The following RTN1 variants were observed in gnomAD, a reference collection of about 807,000 sequenced individuals.
The protein encoded by RTN1 is reticulon 1.
A neutral mutation model predicts 65.5 loss-of-function variants in RTN1; 25 were observed. That is an observed-to-expected ratio of 0.38 (90% CI 0.28 to 0.53). RTN1 has a LOEUF of 0.53. Ranked by LOEUF, RTN1 falls within the 20% of genes least tolerant of loss-of-function variation. The pLI is 0.79. For missense variants in RTN1, 983 were observed against 1,025.4 expected, an observed-to-expected ratio of 0.96 and a Z score of 0.57; for synonymous variants, 471 against 447.6, an observed-to-expected ratio of 1.05 and a Z score of -0.66.
At chr14:59,765,670 AT>A (rs1254169076) in intron 1 of RTN1, among the ~76,000 whole-genome samples, 2 of 152,228 alleles carry the variant, frequency 1.3e-5, no homozygotes, top group African/African-American at 4.8e-5. Flanking sequence ...GTAAGATTTT[AT>A]AAAACGTAAG....
At chr14:59,639,172 TATTG>T (rs1221217340) in intron 3 of RTN1, among the ~76,000 whole-genome samples, 1 of 152,212 alleles carries the variant, frequency 6.6e-6, no homozygotes, top group Non-Finnish European at 1.5e-5. Context: ...ACACAACATT[TATTG>T]ATTAAGTTAG....
chr14:59,629,013 A>C (rs1193440314), intron 3 of RTN1, among the ~76,000 whole-genome samples: 1 of 152,230 alleles, frequency 6.6e-6, no homozygotes. Context: ...TGTATATCAA[A>C]TAAACTGGAT....
At chr14:59,839,760 G>A (rs1218510208) in intron 1 of RTN1, among the ~76,000 whole-genome samples, 1 of 152,048 alleles carries the variant, frequency 6.6e-6, no homozygotes, top group Admixed American at 6.6e-5. Context: ...TTGACCCATA[G>A]AGATAACTCA....
At chr14:59,728,604 T>C (rs1884833691) in intron 2 of RTN1, among the ~76,000 whole-genome samples, 1 of 152,148 alleles carries the variant, frequency 6.6e-6, no homozygotes, top group African/African-American at 2.4e-5. Context: ...TCCCTTGCCA[T>C]ACAGAAGGGC....
At chr14:59,841,960 T>C (rs954790843) in intron 1 of RTN1, among the ~76,000 whole-genome samples, 3 of 151,788 alleles carry the variant, frequency 2.0e-5, no homozygotes, top group Non-Finnish European at 4.4e-5. Flanking sequence ...ACCCCATCTC[T>C]ACTAAAAATA....
chr14:59,828,609 G>A (rs1161106774), intron 1 of RTN1, among the ~76,000 whole-genome samples: 1 of 152,166 alleles, frequency 6.6e-6, no homozygotes, highest in Non-Finnish European at 1.5e-5. Flanking sequence ...GATGTCAGTG[G>A]TCCAACTGTT....
At chr14:59,750,949 C>T (rs1249469876) in intron 1 of RTN1, among the ~76,000 whole-genome samples, 2 of 150,130 alleles carry the variant, frequency 1.3e-5, no homozygotes, top group African/African-American at 4.9e-5. Flanking sequence ...AACTCCTGGG[C>T]TCAAATGATC....
chr14:59,768,243 T>C (rs182654081), intron 1 of RTN1, among the ~76,000 whole-genome samples: 2 of 152,342 alleles, frequency 1.3e-5, no homozygotes, highest in Admixed American at 6.5e-5. Flanking sequence ...ATACATTTTA[T>C]TGAATGAGCA....
chr14:59,727,809 A>G lies in RTN1; in HGVS notation c.1016-141T>C, dbSNP rs1298181839. ...GAGAAACACATATCTCATTAGCACA[A>G]AAATAATCTGTTTCCAGGGCTATGC... On this transcript the variant is annotated intron_variant, in intron 2 of 8. Transcript: ENST00000267484. This position sits in a 1 kb window ranked among gnomAD's most constrained non-coding sequence, Gnocchi z 4.2. 5 of 1,211,992 alleles carry G rather than the reference A, an allele frequency of 4.1e-6. No individual in the cohort carries two copies. The highest frequency in any genetic ancestry group is 5.5e-6 in the Non-Finnish European group (5 of 903,234). 75.1% of individuals were successfully genotyped at this position (1,211,992 alleles called of 1,614,324 possible). A position where few individuals can be genotyped will look rare whatever the true frequency, so the allele number is the denominator to read the frequency against.
In RTN1 at chr14:59,745,699, G is replaced by A. The variant is rs369170104; in HGVS notation, c.1015+9C>T. ...GTTTTCCTAAGTCAAGCAATAACAG[G>A]GCCTTTACCTGTTCCAGAAGATGGA... On this transcript the variant is annotated intron_variant, in intron 2 of 8. Coordinates refer to ENST00000267484, the MANE Select transcript of RTN1 (RefSeq NM_021136.3). 2.3e-4 allele frequency: 366 copies of A among 1,567,092 alleles called. No homozygotes were observed. Among genetic ancestry groups the A allele is most frequent in the Non-Finnish European group, 3.0e-4 (354 of 1,161,234 alleles).
At chr14:59,835,088 G>T (rs535244659) in intron 1 of RTN1, among the ~76,000 whole-genome samples, 88 of 152,218 alleles carry the variant, frequency 5.8e-4, no homozygotes, top group African/African-American at 2.1e-3. Context: ...ATCCCAAATT[G>T]GAAACAACCC....
intron 1 of RTN1, among the ~76,000 whole-genome samples, chr14:59,764,323 CTT>C (rs963851147): frequency 4.2e-5 from 6 of 144,170 alleles, no homozygotes; most frequent in Non-Finnish European, 4.6e-5. Context: ...TGAAGTGCTA[CTT>C]TTTTTTTTTT....
At chr14:59,638,616 T>TA (rs1434954553) in intron 3 of RTN1, among the ~76,000 whole-genome samples, 1 of 152,208 alleles carries the variant, frequency 6.6e-6, no homozygotes, top group East Asian at 1.9e-4. Context: ...TGGCATTTTT[T>TA]ATGTCATGGA....
intron 3 of RTN1, among the ~76,000 whole-genome samples, chr14:59,694,985 C>T (rs762530648): frequency 2.6e-5 from 4 of 152,300 alleles, no homozygotes; most frequent in East Asian, 1.9e-4. Flanking sequence ...AAAGGACAGA[C>T]GGCATGGGGC....
intron 3 of RTN1, among the ~76,000 whole-genome samples, chr14:59,661,814 C>T (rs989157900): frequency 1.3e-5 from 2 of 152,084 alleles, no homozygotes; most frequent in South Asian, 2.1e-4. Flanking sequence ...GGCAAAATCC[C>T]GAAGCATTCC....
rs1887416836 is a variant in RTN1, at chr14:59,846,675, C to T, written c.241+23715G>A. 1.3e-5 allele frequency among the ~76,000 whole-genome samples: 2 copies of T among 152,134 alleles called. No homozygotes were observed. Among genetic ancestry groups the T allele is most frequent in the Admixed American group, 1.3e-4 (2 of 15,260 alleles). On this transcript the variant is annotated intron_variant, in intron 1 of 8. Transcript: ENST00000267484. This position sits in a 1 kb window ranked among gnomAD's most constrained non-coding sequence, Gnocchi z 4.8. ...CTATGTGTGCTTTTACTCCTTGATG[C>T]ATACATTTATTTGTAATAAAACAGT... is the stretch of plus-strand genomic sequence containing the variant.
intron 8 of RTN1, among the ~76,000 whole-genome samples, chr14:59,600,002 C>G (rs913278721): frequency 1.3e-5 from 2 of 152,194 alleles, no homozygotes; most frequent in African/African-American, 2.4e-5. Flanking sequence ...GTCTCACTTA[C>G]TCGAAGCTTT....
intron 3 of RTN1, among the ~76,000 whole-genome samples, chr14:59,716,269 A>T (rs1055091835): frequency 4.6e-5 from 7 of 152,216 alleles, no homozygotes; most frequent in African/African-American, 1.7e-4. Flanking sequence ...AAATGAGTAG[A>T]TCTTATTTTA....
chr14:59,766,320 C>T lies in RTN1; in HGVS notation c.242-19839G>A, dbSNP rs1885849999. ...AATAAATGCTTACTGAAAAGAGCAGCTGGATAGAAAACAGAGAATTAAATT... is the reference window on the plus strand; with the variant it reads ...AATAAATGCTTACTGAAAAGAGCAGTTGGATAGAAAACAGAGAATTAAATT... On this transcript the variant is annotated intron_variant, in intron 1 of 8. Coordinates refer to ENST00000267484, the MANE Select transcript of RTN1 (RefSeq NM_021136.3). The surrounding 1 kb of genome is among the most constrained non-coding windows in gnomAD (Gnocchi z 4.4). Among the ~76,000 whole-genome samples, 2 of 152,140 alleles carry T rather than the reference C, an allele frequency of 1.3e-5. No individual in the cohort carries two copies. The highest frequency in any genetic ancestry group is 4.8e-5 in the African/African-American group (2 of 41,426).
Sources: allele counts gnomAD v4.1 joint callset (sites outside exome capture counted in the v4.1 genomes callset), GRCh38; gene constraint gnomAD v4.1.1; non-coding constraint Gnocchi (gnomAD v3.1); transcripts MANE v1.5; gene names NCBI Gene and HGNC (gene_info 2026-07-23, HGNC 2026-07-21).